The following TWSG1 variants were observed in gnomAD, a reference collection of about 807,000 sequenced individuals.
TWSG1 encodes the protein twisted gastrulation protein homolog 1.
In TWSG1, 15 loss-of-function variants were observed where a neutral mutation model predicts 23.0. The ratio of observed to expected loss-of-function variants is 0.65; its 90% confidence interval spans 0.44 to 1.00. TWSG1 has a LOEUF of 1.00. Ranked by LOEUF, TWSG1 falls within the 50% of genes least tolerant of loss-of-function variation. The probability of loss-of-function intolerance (pLI) is 0.00; values close to 1 mark genes in which losing one functional copy is unlikely to be tolerated. For synonymous variants in TWSG1, 86 were observed against 92.8 expected (o/e 0.93, Z 0.42); for missense variants, 242 against 278.7 (o/e 0.87, Z 0.94).
chr18:9,399,377 C>G lies in TWSG1; in HGVS notation c.522C>G (p.Asp174Glu). Residue 174 changes from aspartate (D) to glutamate (E), a missense_variant, in exon 5 of 5, where the codon GAC becomes GAG. By Grantham distance (45) the Asp-to-Glu change is conservative. Transcript: ENST00000262120. ...TGTGTACTGTGGTTTATTTTGATGA[C>G]TGCATGTCCATACATCAGTGTAAAA... ...EHMCTVVYFD[D>E]CMSIHQCKIS... 5 of 1,612,204 alleles carry G rather than the reference C, an allele frequency of 3.1e-6. No homozygotes were observed. The highest frequency in any genetic ancestry group is 3.4e-6 in the Non-Finnish European group (4 of 1,179,562).
intron 3 of TWSG1, among the ~76,000 whole-genome samples, chr18:9,396,034 T>G (rs1370294135): frequency 6.6e-6 from 1 of 151,404 alleles, no homozygotes; most frequent in Non-Finnish European, 1.5e-5. Context: ...TTCAAATCAG[T>G]CTTTCCTCCA....
intron 1 of TWSG1, among the ~76,000 whole-genome samples, chr18:9,335,446 A>G (rs2040418359): frequency 6.6e-6 from 1 of 152,244 alleles, no homozygotes; most frequent in Non-Finnish European, 1.5e-5. Flanking sequence ...ACATGGTCGT[A>G]GTTACTTGAA....
chr18:9,347,590 A>G (rs1054002084), intron 2 of TWSG1, among the ~76,000 whole-genome samples: 1 of 151,696 alleles, frequency 6.6e-6, no homozygotes, highest in Non-Finnish European at 1.5e-5. Flanking sequence ...ATTCTTTTTG[A>G]TGCTATTGTT....
chr18:9,365,865 G>A (rs1956443353), intron 3 of TWSG1, among the ~76,000 whole-genome samples: 1 of 140,332 alleles, frequency 7.1e-6, no homozygotes, highest in African/African-American at 2.5e-5. Context: ...AATTGACTGG[G>A]CATAATGATG....
Position 9,337,449 on chromosome 18 carries a change from A to G in TWSG1, c.123+97A>G, listed in dbSNP as rs567589512. The G allele has an allele frequency of 5.3e-5, 72 of 1,360,380 alleles. No homozygotes were observed. In the African/African-American group the frequency reaches 9.2e-4, roughly 17 times the overall value. The allele number at this position is 1,360,380 out of a possible 1,614,324, so 84.3% of individuals were successfully genotyped here. A position where few individuals can be genotyped will look rare whatever the true frequency, so the allele number is the denominator to read the frequency against. On this transcript the variant is annotated intron_variant, in intron 2 of 4. Transcript: ENST00000262120. Reference sequence around the variant, plus strand: ...ATAGAGTGCATATATCATATAGAGTAAGACCTGAGTATTGGGTCAGGGCCT... The same window carrying G: ...ATAGAGTGCATATATCATATAGAGTGAGACCTGAGTATTGGGTCAGGGCCT...
At position 9,399,508 on chromosome 18, in the gene TWSG1, G is replaced by A. The variant is rs747483525; in HGVS notation, c.653G>A (p.Cys218Tyr). 1 of 1,606,004 alleles carries A rather than the reference G, an allele frequency of 6.2e-7. No individual in the cohort carries two copies. The highest frequency in any genetic ancestry group is 1.1e-5 in the South Asian group (1 of 88,984). Residue 218 changes from cysteine (C) to tyrosine (Y), a missense_variant, in exon 5 of 5, where the codon TGT becomes TAT. Transcript: ENST00000262120. Reference protein sequence around the residue: ...CIDYGSKTVKCMNCMF With the variant: ...CIDYGSKTVKYMNCMF ...GACTATGGTAGTAAAACTGTCAAATGTATGAACTGCATGTTTTAAAGAAGA... is the reference window on the plus strand; with the variant it reads ...GACTATGGTAGTAAAACTGTCAAATATATGAACTGCATGTTTTAAAGAAGA...
At chr18:9,347,233 A>G (rs1291960450) in intron 2 of TWSG1, among the ~76,000 whole-genome samples, 3 of 152,288 alleles carry the variant, frequency 2.0e-5, no homozygotes, top group Non-Finnish European at 4.4e-5. Flanking sequence ...CCTTTATCAG[A>G]AAAGTCTTTT....
At chr18:9,396,722 C>A in intron 4 of TWSG1, 176 bp downstream of exon 4, 2 of 721,866 alleles carry the variant, frequency 2.8e-6, no homozygotes, top group South Asian at 2.1e-5. Context: ...AGGCACATGC[C>A]AGAAGGATAA....
chr18:9,378,908 G>A (rs1371897909), intron 3 of TWSG1, among the ~76,000 whole-genome samples: 1 of 151,700 alleles, frequency 6.6e-6, no homozygotes, highest in East Asian at 1.9e-4. Context: ...TAGAGCCTGG[G>A]AAATGAGAAA....
At chr18:9,389,520 G>T (rs376912796) in intron 3 of TWSG1, among the ~76,000 whole-genome samples, 118 of 152,152 alleles carry the variant, frequency 7.8e-4, no homozygotes, top group African/African-American at 2.7e-3. Context: ...TGAATAAAGG[G>T]ATCAGATTTG....
rs924817336 is a variant in TWSG1, at chr18:9,351,804, C to T, written c.124-8168C>T. ...GGATTACAGGCACGCATCACCACCC[C>T]CAGCTAATTTTGTATTTTTTTAGTA... On this transcript the variant is annotated intron_variant, in intron 2 of 4. Transcript: ENST00000262120. Among the ~76,000 whole-genome samples the T allele has an allele frequency of 8.5e-5, 13 of 152,100 alleles. No individual in the cohort carries two copies. The South Asian group carries it at 1.0e-3, about 12-fold the overall frequency.
chr18:9,350,791 T>G (rs1341516289), intron 2 of TWSG1, among the ~76,000 whole-genome samples: 1 of 152,204 alleles, frequency 6.6e-6, no homozygotes, highest in African/African-American at 2.4e-5. Flanking sequence ...CTAATGAGGT[T>G]GGGTTGATAT....
intron 1 of TWSG1, among the ~76,000 whole-genome samples, chr18:9,336,250 G>A (rs532441248): frequency 5.3e-5 from 8 of 152,176 alleles, no homozygotes; most frequent in African/African-American, 1.9e-4. Context: ...AAATTAGCGG[G>A]GCGTGGTGAT....
chr18:9,393,080 T>C (rs907697455), intron 3 of TWSG1, among the ~76,000 whole-genome samples: 2 of 152,200 alleles, frequency 1.3e-5, no homozygotes, highest in Non-Finnish European at 2.9e-5. Flanking sequence ...ATTGCAAGAA[T>C]TACCAAAATG....
intron 3 of TWSG1, among the ~76,000 whole-genome samples, chr18:9,376,847 A>G (rs1355549612): frequency 6.6e-6 from 1 of 151,758 alleles, no homozygotes; most frequent in Non-Finnish European, 1.5e-5. Flanking sequence ...AAAAAAAAAA[A>G]AAAGTATTAG....
intron 3 of TWSG1, among the ~76,000 whole-genome samples, chr18:9,377,867 T>G (rs2040638183): frequency 6.6e-6 from 1 of 151,448 alleles, no homozygotes; most frequent in Admixed American, 6.6e-5. Context: ...TACAGGCATG[T>G]GCCACCACGC....
In TWSG1 at chr18:9,398,618, C is replaced by T. The variant is rs140222691; in HGVS notation, c.491-728C>T. On this transcript the variant is annotated intron_variant, in intron 4 of 4. Transcript: ENST00000262120. ...GGTTACAGGTACCCACCACCATGCCCGGTTAATTTTTTTAATTTTTAGTAG... is the reference window on the plus strand; with the variant it reads ...GGTTACAGGTACCCACCACCATGCCTGGTTAATTTTTTTAATTTTTAGTAG... 4.1e-3 allele frequency among the ~76,000 whole-genome samples: 621 copies of T among 152,012 alleles called. 1 individual carries two copies. Among genetic ancestry groups the T allele is most frequent in the South Asian group, 6.2e-3 (30 of 4,806 alleles).
chr18:9,378,870 A>C (rs988746492), intron 3 of TWSG1, among the ~76,000 whole-genome samples: 1 of 152,122 alleles, frequency 6.6e-6, no homozygotes, highest in Non-Finnish European at 1.5e-5. Context: ...AGTCCTACCT[A>C]CTACAGAGGC....
rs571161253 is a variant in TWSG1, at chr18:9,396,660, T to C, written c.490+114T>C. ...GAGCAGCCTTTTGGTTTTGAATTTG[T>C]ATCATCTCACATAAATTCTAGACTC... is the stretch of plus-strand genomic sequence containing the variant. On this transcript the variant is annotated intron_variant, in intron 4 of 4. Transcript: ENST00000262120. The C allele has an allele frequency of 2.3e-6, 3 of 1,301,178 alleles. No individual in the cohort carries two copies. In the South Asian group the frequency reaches 4.4e-5, roughly 19 times the overall value. 80.6% of individuals were successfully genotyped at this position (1,301,178 alleles called of 1,614,324 possible). A position where few individuals can be genotyped will look rare whatever the true frequency, so the allele number is the denominator to read the frequency against.
Sources: gnomAD v4.1 joint callset for allele counts (sites outside exome capture counted in the v4.1 genomes callset) on GRCh38, gnomAD v4.1.1 for gene constraint, MANE v1.5 for transcripts, NCBI Gene and HGNC (gene_info 2026-07-23, HGNC 2026-07-21) for gene names.